Variants in PSD3 observed in about 807,000 individuals in gnomAD.
PSD3 encodes pleckstrin and Sec7 domain containing 3.
Under a neutral mutation model 105.5 loss-of-function variants are expected in PSD3, and 49 were observed. The ratio of observed to expected loss-of-function variants is 0.46; its 90% CI spans 0.37 to 0.59. PSD3 has a LOEUF of 0.59. PSD3 is among the 20% of genes least tolerant of loss of function. PSD3 has a pLI of 0.00. For synonymous variants in PSD3, 557 were observed against 457.8 expected (o/e 1.22, Z -2.77); for missense variants, 1,561 against 1,263.8 (o/e 1.24, Z -3.57).
chr8:18,841,191 T>C (rs142742859), intron 4 of PSD3, among the ~76,000 whole-genome samples: 218 of 152,316 alleles, frequency 1.4e-3, no homozygotes, highest in Middle Eastern at 3.4e-3. Context: ...ACCACACTAA[T>C]TGGATGGCTT....
intron 4 of PSD3, among the ~76,000 whole-genome samples, chr8:18,852,530 C>G (rs1342889081): frequency 6.6e-6 from 1 of 152,158 alleles, no homozygotes; most frequent in Non-Finnish European, 1.5e-5. Flanking sequence ...ATTTATGAAA[C>G]TGACATGCCC....
intron 9 of PSD3, among the ~76,000 whole-genome samples, chr8:18,663,417 CTT>C (rs200274923): frequency 1.3e-5 from 2 of 149,848 alleles, no homozygotes; most frequent in African/African-American, 2.5e-5. Flanking sequence ...CAGAATGAGA[CTT>C]TGTCTCAAAA....
At chr8:18,612,374 C>A (rs1334745670) in intron 11 of PSD3, among the ~76,000 whole-genome samples, 1 of 130,266 alleles carries the variant, frequency 7.7e-6, no homozygotes, top group Non-Finnish European at 1.7e-5. Flanking sequence ...GTTACTGATG[C>A]ATTTTTTTTT....
chr8:18,966,765 A>G (rs914534485), intron 1 of PSD3, among the ~76,000 whole-genome samples: 2 of 152,136 alleles, frequency 1.3e-5, no homozygotes, highest in Non-Finnish European at 2.9e-5. Flanking sequence ...TTGGGGCTCA[A>G]TTTGAATAGA....
At chr8:18,639,625 C>T (rs1807498968) in intron 10 of PSD3, among the ~76,000 whole-genome samples, 1 of 152,142 alleles carries the variant, frequency 6.6e-6, no homozygotes, top group African/African-American at 2.4e-5. Context: ...CCTGAAGCTA[C>T]CACAGGCTAG....
At chr8:18,952,964 T>A (rs1414000480) in intron 1 of PSD3, among the ~76,000 whole-genome samples, 1 of 152,118 alleles carries the variant, frequency 6.6e-6, no homozygotes, top group Non-Finnish European at 1.5e-5. Context: ...AAGACATGTA[T>A]CAACTGTGAG....
chr8:18,763,258 T>C (rs551118660), intron 9 of PSD3, among the ~76,000 whole-genome samples: 120 of 152,322 alleles, frequency 7.9e-4, no homozygotes, highest in African/African-American at 2.8e-3. Flanking sequence ...GCAGTTTCTA[T>C]ATATGATTAT....
intron 4 of PSD3, among the ~76,000 whole-genome samples, chr8:18,844,610 C>T (rs1012386268): frequency 6.6e-6 from 1 of 152,058 alleles, no homozygotes; most frequent in Non-Finnish European, 1.5e-5. Flanking sequence ...AAAAAAAAAT[C>T]AGACTAGAAC....
chr8:18,659,435 G>T (rs1585531943), intron 9 of PSD3, among the ~76,000 whole-genome samples: 1 of 152,140 alleles, frequency 6.6e-6, no homozygotes, highest in Non-Finnish European at 1.5e-5. Context: ...TCCTTATACG[G>T]ATGAGGAAAT....
At chr8:18,607,273 C>T (rs996134020) in intron 11 of PSD3, among the ~76,000 whole-genome samples, 1 of 152,184 alleles carries the variant, frequency 6.6e-6, no homozygotes, top group Admixed American at 6.5e-5. Context: ...CCCAGCTCCA[C>T]ATTTCTGCAG....
chr8:18,694,969 A>G (rs1801181393), intron 9 of PSD3, among the ~76,000 whole-genome samples: 1 of 152,238 alleles, frequency 6.6e-6, no homozygotes, highest in East Asian at 1.9e-4. Flanking sequence ...ATACATTTTT[A>G]TATAAGAAGG....
intron 10 of PSD3, among the ~76,000 whole-genome samples, chr8:18,639,041 C>T (rs770159697): frequency 6.6e-6 from 1 of 152,156 alleles, no homozygotes; most frequent in Non-Finnish European, 1.5e-5. Flanking sequence ...TGACACCATC[C>T]CCTCTTCGAT....
chr8:18,849,772 T>A (rs994477952), intron 4 of PSD3: 1 of 152,344 alleles, frequency 6.6e-6, no homozygotes, highest in African/African-American at 2.4e-5. Context: ...TTCCCTCATG[T>A]CTAAGGTAAA....
At chr8:18,907,542 C>G (rs1819925569) in intron 2 of PSD3, among the ~76,000 whole-genome samples, 1 of 152,140 alleles carries the variant, frequency 6.6e-6, no homozygotes, top group Admixed American at 6.6e-5. Flanking sequence ...CATACAAATA[C>G]TTACCATTGT....
chr8:18,901,847 A>G (rs1311475551), intron 2 of PSD3, among the ~76,000 whole-genome samples: 7 of 152,152 alleles, frequency 4.6e-5, no homozygotes, highest in African/African-American at 1.7e-4. Context: ...TTGACTATGT[A>G]TCAGCCCATT....
chr8:18,553,847 G>A (rs1267728137), intron 15 of PSD3, among the ~76,000 whole-genome samples: 2 of 151,940 alleles, frequency 1.3e-5, no homozygotes, highest in Non-Finnish European at 2.9e-5. Context: ...AGCTATCCTC[G>A]CGCCTTTCTG....
chr8:18,776,258 CTCTATATATA>C, intron 8 of PSD3, among the ~76,000 whole-genome samples: 1 of 141,120 alleles, frequency 7.1e-6, no homozygotes, highest in African/African-American at 2.8e-5. Flanking sequence ...CTCTCTCTCT[CTCTATATATA>C]TATAATGTAT....
At chr8:18,653,123 A>G (rs13260063) in intron 10 of PSD3, among the ~76,000 whole-genome samples, 38,937 of 152,040 alleles carry the variant, frequency 0.26, 5,263 homozygotes, top group South Asian at 0.44. Context: ...CCTTTGTTTT[A>G]TATCTGCTTG....
chr8:19,014,607 A>G (rs1316219073), upstream of PSD3: 2 of 152,286 alleles, frequency 1.3e-5, no homozygotes, highest in African/African-American at 4.8e-5. The surrounding 1 kb of genome is among the most constrained non-coding windows in gnomAD (Gnocchi z 4.9). Context: ...GTGGCCGGCT[A>G]CAGGGTGGTC....
Sources: gnomAD v4.1 joint callset for allele counts (sites outside exome capture counted in the v4.1 genomes callset) on GRCh38, gnomAD v4.1.1 for gene constraint, Gnocchi (gnomAD v3.1) non-coding constraint, MANE v1.5 for transcripts, NCBI Gene and HGNC (gene_info 2026-07-23, HGNC 2026-07-21) for gene names.